The following LIN28A variants were observed in gnomAD, a reference collection of about 807,000 sequenced individuals.
LIN28A encodes the protein lin-28 RNA binding posttranscriptional regulator A, also known as protein lin-28 homolog A.
In LIN28A, 11 loss-of-function variants were observed where a neutral mutation model predicts 21.1. The observed-to-expected ratio is 0.52, with a 90% CI of 0.33 to 0.86. The LOEUF (loss-of-function observed/expected upper bound fraction) is 0.86. Ranked by LOEUF, LIN28A falls within the 40% of genes least tolerant of loss-of-function variation. The pLI is 0.03. For missense variants in LIN28A, 219 were observed against 279.8 expected, an observed-to-expected ratio of 0.78 and a Z score of 1.55; for synonymous variants, 111 against 108.7, an observed-to-expected ratio of 1.02 and a Z score of -0.13.
intron 2 of LIN28A, among the ~76,000 whole-genome samples, chr1:26,414,671 T>C (rs1310941094): frequency 1.3e-5 from 2 of 152,218 alleles, no homozygotes; most frequent in African/African-American, 4.8e-5. Context: ...TAGCAAGCCC[T>C]TAAATTAGAG....
rs1457155431 is a variant in LIN28A, at chr1:26,411,601, A to G, written c.228+19A>G. The G allele has an allele frequency of 6.2e-7, 1 of 1,606,078 alleles. No individual in the cohort carries two copies. The highest frequency in any genetic ancestry group is 8.5e-7 in the Non-Finnish European group (1 of 1,177,730). On this transcript the variant is annotated intron_variant, in intron 2 of 3. Coordinates refer to ENST00000326279, the MANE Select transcript of LIN28A (RefSeq NM_024674.6). The surrounding 1 kb of genome is among the most constrained non-coding windows in gnomAD (Gnocchi z 5.4). ...GCACCAGGTGAGACTGATTCCGGTA[A>G]CTTTGCCCAGGGAAGGGCGTCTAGG... is the stretch of plus-strand genomic sequence containing the variant.
intron 3 of LIN28A, 150 bp from the exon 4 acceptor site, chr1:26,426,092 A>G: frequency 1.6e-6 from 1 of 623,486 alleles, no homozygotes; most frequent in Non-Finnish European, 2.9e-6. Flanking sequence ...TCATTTAGTA[A>G]TAGTCCTCCT....
intron 2 of LIN28A, among the ~76,000 whole-genome samples, chr1:26,423,805 C>G (rs1193132944): frequency 6.6e-6 from 1 of 152,056 alleles, no homozygotes; most frequent in East Asian, 1.9e-4. Context: ...CTCTGTCACC[C>G]AGGCTGGAGT....
In LIN28A at chr1:26,426,390, C is replaced by T; in HGVS notation, c.562C>T (p.Pro188Ser). The T allele has an allele frequency of 6.2e-7, 1 of 1,614,210 alleles. No homozygotes were observed. Among genetic ancestry groups the T allele is most frequent in the Non-Finnish European group, 8.5e-7 (1 of 1,180,034 alleles). The change falls in exon 4 of 4, where the codon CCA becomes TCA. Residue 188 changes from proline (P) to serine (S), a missense_variant. Pro to Ser is a moderately conservative substitution (Grantham distance 74). Transcript: ENST00000326279. ...GCAGGGCCCTAGTGCACAGGGAAAGCCAACCTACTTTCGAGAGGAAGAAGA... is the reference window on the plus strand; with the variant it reads ...GCAGGGCCCTAGTGCACAGGGAAAGTCAACCTACTTTCGAGAGGAAGAAGA... ...AQQGPSAQGKPTYFREEEEEI... is the reference protein window; with the variant it reads ...AQQGPSAQGKSTYFREEEEEI...
At chr1:26,422,749 A>G (rs2075034763) in intron 2 of LIN28A, among the ~76,000 whole-genome samples, 1 of 152,154 alleles carries the variant, frequency 6.6e-6, no homozygotes, top group African/African-American at 2.4e-5. Context: ...TACACTGCTG[A>G]TTATATCCAA....
chr1:26,411,562 G>C lies in LIN28A; in HGVS notation c.208G>C (p.Val70Leu). 1 of 1,613,796 alleles carries C rather than the reference G, an allele frequency of 6.2e-7. No individual in the cohort carries two copies. Among genetic ancestry groups the C allele is most frequent in the Non-Finnish European group, 8.5e-7 (1 of 1,179,906 alleles). The change falls in exon 2 of 4, where the codon GTG becomes CTG. Residue 70 changes from valine (V) to leucine (L), a missense_variant. By Grantham distance (32) the Val-to-Leu change is conservative (BLOSUM62 1). Around this residue, in one of 3 missense-constraint regions of LIN28A, gnomAD observed 124 missense variants for 193.1 expected, o/e 0.64. Coordinates refer to ENST00000326279, the MANE Select transcript of LIN28A (RefSeq NM_024674.6). This position sits in a 1 kb window ranked among gnomAD's most constrained non-coding sequence, Gnocchi z 5.4. ...ARAGVALDPP[V>L]DVFVHQSKLH... is the part of the protein sequence containing the mutation. ...CGCCGGGGTCGCGCTCGACCCCCCAGTGGATGTCTTTGTGCACCAGGTGAG... is the reference window on the plus strand; with the variant it reads ...CGCCGGGGTCGCGCTCGACCCCCCACTGGATGTCTTTGTGCACCAGGTGAG...
At position 26,411,186 on chromosome 1, in the gene LIN28A, C is replaced by T; in HGVS notation, c.32-200C>T. Among the ~76,000 whole-genome samples, 1 of 152,212 alleles carries T rather than the reference C, an allele frequency of 6.6e-6. No individual in the cohort carries two copies. ...GTTGTGGGAAGAGGAGCAAAACTTT[C>T]GGGGCACTACTGTCCCGGTGTACGC... On this transcript the variant is annotated intron_variant, in intron 1 of 3. Coordinates refer to ENST00000326279, the MANE Select transcript of LIN28A (RefSeq NM_024674.6). The surrounding 1 kb of genome is among the most constrained non-coding windows in gnomAD (Gnocchi z 5.4).
chr1:26,422,894 T>C (rs1043281268), intron 2 of LIN28A, among the ~76,000 whole-genome samples: 6 of 152,224 alleles, frequency 3.9e-5, no homozygotes, highest in African/African-American at 1.4e-4. Flanking sequence ...TTTCTTCATA[T>C]AGGCTTTTTA....
intron 2 of LIN28A, among the ~76,000 whole-genome samples, chr1:26,413,176 G>A (rs943955038): frequency 6.6e-6 from 1 of 152,056 alleles, no homozygotes; most frequent in African/African-American, 2.4e-5. Context: ...CCATTTATCT[G>A]ATCACAAAGA....
intron 3 of LIN28A, 113 bp from the exon 4 acceptor site, chr1:26,426,129 G>A (rs2075057828): frequency 1.3e-6 from 1 of 779,788 alleles, no homozygotes; most frequent in Non-Finnish European, 2.1e-6. Flanking sequence ...TTGGTCTCTG[G>A]GAAGGGAAGT....
In LIN28A at chr1:26,411,613, G is replaced by T. The variant is rs747457761; in HGVS notation, c.228+31G>T. 6.2e-7 allele frequency: 1 copy of T among 1,600,492 alleles called. No homozygotes were observed. Among genetic ancestry groups the T allele is most frequent in the Non-Finnish European group, 8.5e-7 (1 of 1,175,442 alleles). ...ACTGATTCCGGTAACTTTGCCCAGG[G>T]AAGGGCGTCTAGGCGCCCATATCCA... is the stretch of plus-strand genomic sequence containing the variant. On this transcript the variant is annotated intron_variant, in intron 2 of 3. Transcript: ENST00000326279. This position sits in a 1 kb window ranked among gnomAD's most constrained non-coding sequence, Gnocchi z 5.4.
In LIN28A at chr1:26,411,187, G is replaced by C. The variant is rs1008590395; in HGVS notation, c.32-199G>C. On this transcript the variant is annotated intron_variant, in intron 1 of 3. Coordinates refer to ENST00000326279, the MANE Select transcript of LIN28A (RefSeq NM_024674.6). The surrounding 1 kb of genome is among the most constrained non-coding windows in gnomAD (Gnocchi z 5.4). ...TTGTGGGAAGAGGAGCAAAACTTTC[G>C]GGGCACTACTGTCCCGGTGTACGCT... 1.3e-5 allele frequency among the ~76,000 whole-genome samples: 2 copies of C among 152,228 alleles called. No homozygotes were observed. The highest frequency in any genetic ancestry group is 1.3e-4 in the Admixed American group (2 of 15,284).
chr1:26,429,718 G>T lies in LIN28A; in HGVS notation c.*3260G>T, dbSNP rs6697410. 0.79 allele frequency: 119,793 copies of T among 152,188 alleles called. 47,405 individuals are homozygous for T. The highest frequency in any genetic ancestry group is 0.88 in the East Asian group (4,564 of 5,190). 9.4% of individuals were successfully genotyped at this position (152,188 alleles called of 1,614,324 possible). On this transcript the variant is annotated 3_prime_UTR_variant, in exon 4 of 4. Coordinates refer to ENST00000326279, the MANE Select transcript of LIN28A (RefSeq NM_024674.6). The stretch of plus-strand genomic sequence containing the variant: ...TGAATAAATAAAGACTTATTGGTAC[G>T]CAAACTGTCATCCCCTTGTCAGATG...
At chr1:26,425,903 C>G (rs1456600607) in intron 3 of LIN28A, among the ~76,000 whole-genome samples, 1 of 152,230 alleles carries the variant, frequency 6.6e-6, no homozygotes, top group East Asian at 1.9e-4. Flanking sequence ...TGAACAGATA[C>G]TATAATTTGG....
chr1:26,417,598 G>T (rs950217901), intron 2 of LIN28A, among the ~76,000 whole-genome samples: 1 of 152,116 alleles, frequency 6.6e-6, no homozygotes, highest in Non-Finnish European at 1.5e-5. Flanking sequence ...GCCTCTTATT[G>T]CGACTTTAAC....
chr1:26,410,954 A>G (rs2074954097), intron 1 of LIN28A, 32 bp downstream of exon 1: 1 of 1,600,008 alleles, frequency 6.2e-7, no homozygotes, highest in African/African-American at 1.4e-5. Flanking sequence ...GGGACACTTT[A>G]GGATTCAGGG....
rs2075062490 is a variant in LIN28A, at chr1:26,426,815, A to C, written c.*357A>C. 4.0e-6 allele frequency: 1 copy of C among 249,788 alleles called. No homozygotes were observed. The highest frequency in any genetic ancestry group is 5.0e-5 in the Admixed American group (1 of 19,876). The allele number at this position is 249,788 out of a possible 1,614,324, so 15.5% of individuals were successfully genotyped here. A position where few individuals can be genotyped will look rare whatever the true frequency, so the allele number is the denominator to read the frequency against. On this transcript the variant is annotated 3_prime_UTR_variant, in exon 4 of 4. Transcript: ENST00000326279. ...GGATATATAATAATTCCCATGCCAG[A>C]GTGAAATGATTAAGTATAAGACCAG...
chr1:26,413,199 TC>T (rs920229239), intron 2 of LIN28A, among the ~76,000 whole-genome samples: 8 of 152,122 alleles, frequency 5.3e-5, no homozygotes, highest in Non-Finnish European at 1.0e-4. Context: ...TTAAAATCTT[TC>T]CTGGTCTGGG....
In LIN28A at chr1:26,426,407, G is replaced by C. The variant is rs754323496; in HGVS notation, c.579G>C (p.Glu193Asp). 1 of 1,614,164 alleles carries C rather than the reference G, an allele frequency of 6.2e-7. No individual in the cohort carries two copies. The highest frequency in any genetic ancestry group is 8.5e-7 in the Non-Finnish European group (1 of 1,180,016). ...AGGGAAAGCCAACCTACTTTCGAGA[G>C]GAAGAAGAAGAAATCCACAGCCCTA... is the stretch of plus-strand genomic sequence containing the variant. ...SAQGKPTYFREEEEEIHSPTL... is the reference protein window; with the variant it reads ...SAQGKPTYFRDEEEEIHSPTL... The change falls in exon 4 of 4, where the codon GAG (glutamate) becomes GAC (aspartate). Residue 193 changes from glutamate to aspartate, a missense_variant. Physicochemically the swap from Glu to Asp is conservative, Grantham distance 45. Transcript: ENST00000326279.
Sources: gnomAD v4.1 joint callset for allele counts (sites outside exome capture counted in the v4.1 genomes callset) on GRCh38, gnomAD v4.1.1 for gene constraint, gnomAD v4.1.1 regional missense constraint, Gnocchi (gnomAD v3.1) non-coding constraint, MANE v1.5 for transcripts, NCBI Gene and HGNC (gene_info 2026-07-23, HGNC 2026-07-21) for gene names.